The following DSCAM variants were observed in gnomAD, a reference collection of about 807,000 sequenced individuals.
DSCAM encodes DS cell adhesion molecule, also known as cell adhesion molecule DSCAM.
DSCAM carries 47 observed loss-of-function variants against 217.7 expected under a neutral mutation model. The ratio of observed to expected loss-of-function variants is 0.22; its 90% confidence interval spans 0.17 to 0.28. The LOEUF is 0.28. Among genes scored for constraint, DSCAM ranks in the 10% least tolerant of loss-of-function variants. The pLI is 1.00. For synonymous variants in DSCAM, 1,056 were observed against 1,015.3 expected, an observed-to-expected ratio of 1.04 and a Z score of -0.76; for missense variants, 2,080 against 2,618.3, an observed-to-expected ratio of 0.79 and a Z score of 4.49.
intron 8 of DSCAM, among the ~76,000 whole-genome samples, chr21:40,315,876 G>A (rs927963882): frequency 4.6e-5 from 7 of 152,262 alleles, no homozygotes; most frequent in East Asian, 3.9e-4. Context: ...AGAGGGCTTA[G>A]TAAGAAGCCA....
At chr21:40,207,689 C>T (rs1324633316) in intron 11 of DSCAM, among the ~76,000 whole-genome samples, 1 of 152,134 alleles carries the variant, frequency 6.6e-6, no homozygotes, top group Admixed American at 6.5e-5. Flanking sequence ...AAAGATAGAT[C>T]TGTGTTCATT....
chr21:40,419,768 G>T (rs931353519), intron 3 of DSCAM, among the ~76,000 whole-genome samples: 7 of 152,078 alleles, frequency 4.6e-5, no homozygotes, highest in Non-Finnish European at 4.4e-5. Context: ...TTCTATCATT[G>T]TCAGCATCAT....
At chr21:40,657,511 C>A (rs916786529) in intron 3 of DSCAM, among the ~76,000 whole-genome samples, 1 of 152,084 alleles carries the variant, frequency 6.6e-6, no homozygotes, top group Admixed American at 6.5e-5. Context: ...TGAAATGGAC[C>A]AATTCCAGGG....
chr21:40,693,013 A>G lies in DSCAM; in HGVS notation c.362-57T>C, dbSNP rs565177325. ...ACACGGTCAACAGGCTCATTCTGAG[A>G]GTATCTCACTGTAATATATACACTG... is the stretch of plus-strand genomic sequence containing the variant. On this transcript the variant is annotated intron_variant, in intron 2 of 32. Coordinates refer to ENST00000400454, the MANE Select transcript of DSCAM (RefSeq NM_001389.5). 8 of 1,570,100 alleles carry G rather than the reference A, an allele frequency of 5.1e-6. No homozygotes were observed. The East Asian group carries it at 1.6e-4, about 31-fold the overall frequency.
At chr21:40,630,591 G>C (rs1371351891) in intron 3 of DSCAM, 3 of 152,150 alleles carry the variant, frequency 2.0e-5, no homozygotes, top group Non-Finnish European at 2.9e-5. Context: ...GAGCCACTGC[G>C]CCCAGCCAAA....
chr21:40,658,943 C>T (rs1434948741), intron 3 of DSCAM, among the ~76,000 whole-genome samples: 1 of 152,126 alleles, frequency 6.6e-6, no homozygotes, highest in African/African-American at 2.4e-5. Flanking sequence ...GCTGTGTGCA[C>T]ACCTCATCTG....
chr21:40,152,704 T>C (rs11911749), intron 16 of DSCAM, among the ~76,000 whole-genome samples: 118,263 of 152,282 alleles, frequency 0.78, 46,069 homozygotes, highest in South Asian at 0.85. Flanking sequence ...TATGTCCTTC[T>C]CAATCAGTCG....
rs1157805883 is a variant in DSCAM, at chr21:40,663,064, C to T, written c.508+29746G>A. 8.5e-5 allele frequency among the ~76,000 whole-genome samples: 3 copies of T among 35,450 alleles called. No homozygotes were observed. The South Asian group carries it at 4.0e-3, about 47-fold the overall frequency. The allele number at this position is 35,450 out of a possible 152,430, so 23.3% of individuals were successfully genotyped here. ...ACATGTGAGTGTGTGTGTGTGCGCA[C>T]CTGTGTGTATGCCAGTATGTGTAGT... On this transcript the variant is annotated intron_variant, in intron 3 of 32. Coordinates refer to ENST00000400454, the MANE Select transcript of DSCAM (RefSeq NM_001389.5).
At chr21:40,748,866 A>G (rs1272925281) in intron 1 of DSCAM, among the ~76,000 whole-genome samples, 1 of 152,160 alleles carries the variant, frequency 6.6e-6, no homozygotes, top group Non-Finnish European at 1.5e-5. Context: ...ACAGGATGAC[A>G]CTGGCGTAAA....
At chr21:40,486,844 T>C (rs2076032535) in intron 3 of DSCAM, among the ~76,000 whole-genome samples, 1 of 151,960 alleles carries the variant, frequency 6.6e-6, no homozygotes, top group Admixed American at 6.6e-5. Flanking sequence ...ACCATCGGAG[T>C]TGACATTTGT....
At chr21:40,608,997 C>T (rs1202967085) in intron 3 of DSCAM, among the ~76,000 whole-genome samples, 1 of 152,130 alleles carries the variant, frequency 6.6e-6, no homozygotes, top group African/African-American at 2.4e-5. Context: ...CTCTGTCACC[C>T]AGGCTGGAGT....
chr21:40,676,895 G>C (rs775342564), intron 3 of DSCAM, among the ~76,000 whole-genome samples: 7 of 151,964 alleles, frequency 4.6e-5, no homozygotes, highest in East Asian at 1.9e-4. Flanking sequence ...ACGTGCATCC[G>C]GGCCTCGTGC....
chr21:40,445,513 T>C (rs1211062171), intron 3 of DSCAM, among the ~76,000 whole-genome samples: 2 of 152,242 alleles, frequency 1.3e-5, no homozygotes, highest in Non-Finnish European at 2.9e-5. Flanking sequence ...ATGAAGCCTG[T>C]AGTTGATCAC....
chr21:40,042,186 TAAAC>T (rs770074653), intron 32 of DSCAM, among the ~76,000 whole-genome samples, 181 bp downstream of exon 32: 3 of 152,290 alleles, frequency 2.0e-5, no homozygotes, highest in East Asian at 1.9e-4. Context: ...TTCAGATTCA[TAAAC>T]AAAGTAAGTG....
rs138373933 is a variant in DSCAM at position 40,223,109 on chromosome 21, G to C, written c.2357-33871C>G. Among the ~76,000 whole-genome samples, 1,100 of 152,254 alleles carry C rather than the reference G, an allele frequency of 7.2e-3. 10 individuals carry two copies. Among genetic ancestry groups the C allele is most frequent in the African/African-American group, 0.024 (983 of 41,546 alleles). ...CCTCTCTTTCCCCTCCTGACACCAG[G>C]AGACCTGCCCAGCAGCCTGCCCTCA... On this transcript the variant is annotated intron_variant, in intron 11 of 32. Coordinates refer to ENST00000400454, the MANE Select transcript of DSCAM (RefSeq NM_001389.5).
chr21:40,455,334 A>AC (rs2075754623), intron 3 of DSCAM, among the ~76,000 whole-genome samples: 1 of 152,242 alleles, frequency 6.6e-6, no homozygotes, highest in Non-Finnish European at 1.5e-5. Context: ...GATGAAGTTC[A>AC]GACGAGAGAA....
chr21:40,493,524 G>T (rs1455888430), intron 3 of DSCAM, among the ~76,000 whole-genome samples: 1 of 152,092 alleles, frequency 6.6e-6, no homozygotes, highest in African/African-American at 2.4e-5. Flanking sequence ...ACAACAATTT[G>T]TTAAGAAATA....
intron 28 of DSCAM, among the ~76,000 whole-genome samples, chr21:40,057,640 C>T (rs930882337): frequency 2.6e-5 from 4 of 152,200 alleles, no homozygotes; most frequent in Non-Finnish European, 4.4e-5. Flanking sequence ...CCACAGGAAG[C>T]AGGCTAAATA....
intron 3 of DSCAM, among the ~76,000 whole-genome samples, chr21:40,665,647 T>C (rs954305971): frequency 1.9e-4 from 29 of 152,256 alleles, no homozygotes; most frequent in African/African-American, 6.7e-4. Context: ...ATTTACATGA[T>C]TACTTGAGGT....
Sources: gnomAD v4.1 joint callset for allele counts (sites outside exome capture counted in the v4.1 genomes callset) on GRCh38, gnomAD v4.1.1 for gene constraint, MANE v1.5 for transcripts, NCBI Gene and HGNC (gene_info 2026-07-23, HGNC 2026-07-21) for gene names.